ACSL3: variants seen among roughly 807,000 people sequenced by gnomAD.
The protein encoded by ACSL3 is fatty acid CoA ligase Acsl3.
A neutral mutation model predicts 84.7 loss-of-function variants in ACSL3; 34 were observed. That is an observed-to-expected ratio of 0.40 (90% CI 0.31 to 0.53). The LOEUF (loss-of-function observed/expected upper bound fraction) is 0.53. Ranked by LOEUF, ACSL3 falls within the 20% of genes least tolerant of loss-of-function variation. The probability of loss-of-function intolerance (pLI) is 0.48; values close to 1 mark genes in which losing one functional copy is unlikely to be tolerated. For synonymous variants in ACSL3, 315 were observed against 299.4 expected, an observed-to-expected ratio of 1.05 and a Z score of -0.54; for missense variants, 680 against 873.1, an observed-to-expected ratio of 0.78 and a Z score of 2.79.
At position 222,879,748 on chromosome 2, in the gene ACSL3, C is replaced by T. The variant is rs562694196; in HGVS notation, c.-206-8082C>T. ...GGATGCACACATTTGCCGTAGTCTG[C>T]GGTGTTGGAGATGGGGACAGAACAG... On this transcript the variant is annotated intron_variant, in intron 1 of 16. Transcript: ENST00000357430. Among the ~76,000 whole-genome samples the T allele has an allele frequency of 3.0e-4, 46 of 152,260 alleles. No individual in the cohort carries two copies. In the South Asian group the frequency reaches 9.3e-3, roughly 31 times the overall value.
Position 222,875,383 on chromosome 2 carries a change from G to A in ACSL3, c.-206-12447G>A, listed in dbSNP as rs533200301. Among the ~76,000 whole-genome samples, 14 of 152,158 alleles carry A rather than the reference G, an allele frequency of 9.2e-5. No homozygotes were observed. In the South Asian group the frequency reaches 2.5e-3, roughly 27 times the overall value. On this transcript the variant is annotated intron_variant, in intron 1 of 16. Transcript: ENST00000357430. ...GGAGGGAGGAATCTCATATCTATTC[G>A]TCATGATTCAGATCAGGATAATAAT...
chr2:222,889,386 A>G (rs761234704), intron 2 of ACSL3, among the ~76,000 whole-genome samples: 2 of 152,222 alleles, frequency 1.3e-5, no homozygotes, highest in Admixed American at 1.3e-4. Flanking sequence ...GTCATGTTAT[A>G]TAGGTTAACT....
chr2:222,878,069 C>G (rs1008360898), intron 1 of ACSL3, among the ~76,000 whole-genome samples: 7 of 152,072 alleles, frequency 4.6e-5, no homozygotes, highest in Admixed American at 3.9e-4. Context: ...CACCCAGTGC[C>G]CAGCGTATAG....
Position 222,913,952 on chromosome 2 carries a change from C to CTCATTA in ACSL3, c.379-2356_379-2351dup, listed in dbSNP as rs372777121. 3.8e-3 allele frequency among the ~76,000 whole-genome samples: 579 copies of CTCATTA among 152,220 alleles called. 1 individual carries two copies. The highest frequency in any genetic ancestry group is 0.02 in the Middle Eastern group (6 of 294). Reference sequence around the variant, plus strand: ...TAAGCACTAATAAAGGTTAGTTACCCTCATTATCATTATCATGATTATTAC... The same window carrying CTCATTA: ...TAAGCACTAATAAAGGTTAGTTACCCTCATTATCATTATCATTATCATGATTATTAC... On this transcript the variant is annotated intron_variant, in intron 4 of 16. Coordinates refer to ENST00000357430, the MANE Select transcript of ACSL3 (RefSeq NM_004457.5).
At chr2:222,896,420 A>G (rs1404561649) in intron 2 of ACSL3, among the ~76,000 whole-genome samples, 117 of 9,750 alleles carry the variant, frequency 0.012, 3 homozygotes, top group African/African-American at 0.037. Flanking sequence ...CTGGCCGGGC[A>G]GGGGGCTGAC....
intron 1 of ACSL3, among the ~76,000 whole-genome samples, chr2:222,866,840 C>CTTTTTCT (rs1559273549): frequency 8.9e-6 from 1 of 111,870 alleles, no homozygotes; most frequent in Non-Finnish European, 1.7e-5. Flanking sequence ...TTTTCTTTTT[C>CTTTTTCT]TTTTTTTTTT....
intron 1 of ACSL3, among the ~76,000 whole-genome samples, chr2:222,876,065 G>A (rs907968661): frequency 2.6e-5 from 4 of 152,316 alleles, no homozygotes; most frequent in Admixed American, 2.6e-4. Flanking sequence ...AGTGTTTTGG[G>A]TTCTTAGAGG....
At chr2:222,883,690 G>A (rs1237165257) in intron 1 of ACSL3, among the ~76,000 whole-genome samples, 3 of 75,594 alleles carry the variant, frequency 4.0e-5, no homozygotes, top group Admixed American at 3.3e-4. Context: ...AGGAATTTTT[G>A]CCTCTTTGTT....
At chr2:222,868,148 A>G (rs1695204309) in intron 1 of ACSL3, among the ~76,000 whole-genome samples, 1 of 151,998 alleles carries the variant, frequency 6.6e-6, no homozygotes, top group Admixed American at 6.6e-5. Context: ...GATTTAGCTA[A>G]TTCTGTATTT....
At chr2:222,927,886 T>C (rs1050004284) in intron 12 of ACSL3, among the ~76,000 whole-genome samples, 1 of 152,224 alleles carries the variant, frequency 6.6e-6, no homozygotes, top group African/African-American at 2.4e-5. Flanking sequence ...TTTCATGTAT[T>C]ACTTCATTTT....
At position 222,930,678 on chromosome 2, in the gene ACSL3, A is replaced by T; in HGVS notation, c.1598A>T (p.Gln533Leu). Residue 533 changes from glutamine to leucine, a missense_variant, in exon 14 of 17, where the codon CAA (glutamine) becomes CTA (leucine). Physicochemically the swap from Gln to Leu is moderately radical, Grantham distance 113. Coordinates refer to ENST00000357430, the MANE Select transcript of ACSL3 (RefSeq NM_004457.5). The stretch of plus-strand genomic sequence containing the variant: ...AGGGGTGAAATTCTTATTGGGGGCC[A>T]AAGTGTGACAATGGGGTACTACAAA... Reference protein sequence around the residue: ...HPRGEILIGGQSVTMGYYKNE... With the variant: ...HPRGEILIGGLSVTMGYYKNE... 1 of 1,614,158 alleles carries T rather than the reference A, an allele frequency of 6.2e-7. No individual in the cohort carries two copies. The highest frequency in any genetic ancestry group is 8.5e-7 in the Non-Finnish European group (1 of 1,180,002).
chr2:222,921,381 A>T lies in ACSL3; in HGVS notation c.907A>T (p.Asn303Tyr). ...AAAGGGAGTCATGATCTCACATAGT[A>T]ACATTATTGCTGGTATAACTGGGAT... ...LPKGVMISHS[N>Y]IIAGITGMAE... is the part of the protein sequence containing the mutation. The change falls in exon 8 of 17, where the codon AAC (asparagine) becomes TAC (tyrosine). Residue 303 changes from asparagine to tyrosine, a missense_variant. This residue lies in a region of ACSL3 where 347 missense variants were observed against 525.7 expected (regional missense o/e 0.66). Coordinates refer to ENST00000357430, the MANE Select transcript of ACSL3 (RefSeq NM_004457.5). 1 of 1,601,752 alleles carries T rather than the reference A, an allele frequency of 6.2e-7. No homozygotes were observed. Among genetic ancestry groups the T allele is most frequent in the Non-Finnish European group, 8.5e-7 (1 of 1,169,686 alleles).
chr2:222,901,501 G>C (rs375974610), intron 3 of ACSL3, among the ~76,000 whole-genome samples: 136 of 152,152 alleles, frequency 8.9e-4, no homozygotes, highest in African/African-American at 3.2e-3. Flanking sequence ...ATCCAAGTTT[G>C]TTCTTTTTCA....
chr2:222,880,290 G>T (rs185005575), intron 1 of ACSL3, among the ~76,000 whole-genome samples: 2 of 152,038 alleles, frequency 1.3e-5, no homozygotes, highest in Admixed American at 6.6e-5. Context: ...TTTTCATTGG[G>T]ATTGCATTTG....
intron 3 of ACSL3, among the ~76,000 whole-genome samples, chr2:222,903,975 A>G (rs1696225653): frequency 6.6e-6 from 1 of 152,124 alleles, no homozygotes; most frequent in African/African-American, 2.4e-5. Flanking sequence ...AACTTTTACC[A>G]TTAAAACAAT....
chr2:222,919,035 G>T (rs911776768), intron 6 of ACSL3, 29 bp from the exon 7 acceptor site: 1 of 1,608,410 alleles, frequency 6.2e-7, no homozygotes. Context: ...GAAAAATAAT[G>T]AACGTGATGA....
intron 1 of ACSL3, among the ~76,000 whole-genome samples, chr2:222,876,021 A>G (rs1030161121): frequency 3.3e-5 from 5 of 152,230 alleles, no homozygotes; most frequent in African/African-American, 9.6e-5. Flanking sequence ...CATACAATCC[A>G]TAGTTAAAAG....
chr2:222,869,155 T>C (rs1369399657), intron 1 of ACSL3, among the ~76,000 whole-genome samples: 1 of 152,178 alleles, frequency 6.6e-6, no homozygotes, highest in Non-Finnish European at 1.5e-5. Flanking sequence ...AAGTATATTA[T>C]CCTATGTCAT....
In ACSL3 at chr2:222,888,923, C is replaced by T. The variant is rs557260687; in HGVS notation, c.-148+1035C>T. On this transcript the variant is annotated intron_variant, in intron 2 of 16. Coordinates refer to ENST00000357430, the MANE Select transcript of ACSL3 (RefSeq NM_004457.5). ...TGCCTGCGTCTCTTTGAGGGATATA[C>T]GTGATCAAATTAAGAGTGCTTTTGA... is the stretch of plus-strand genomic sequence containing the variant. 3.3e-5 allele frequency among the ~76,000 whole-genome samples: 5 copies of T among 152,230 alleles called. No homozygotes were observed. In the South Asian group the frequency reaches 6.2e-4, roughly 19 times the overall value.
Sources: gnomAD v4.1 joint callset for allele counts (sites outside exome capture counted in the v4.1 genomes callset) on GRCh38, gnomAD v4.1.1 for gene constraint, gnomAD v4.1.1 regional missense constraint, MANE v1.5 for transcripts, NCBI Gene and HGNC (gene_info 2026-07-23, HGNC 2026-07-21) for gene names.